Variants in AHI1 observed in about 807,000 individuals in gnomAD.
AHI1 encodes the protein jouberin.
A neutral mutation model predicts 149.3 loss-of-function variants in AHI1; 123 were observed. That is an observed-to-expected ratio of 0.82 (90% CI 0.71 to 0.96). The LOEUF (loss-of-function observed/expected upper bound fraction) is 0.96, where lower values mean the gene tolerates loss of function less well. Among genes scored for constraint, AHI1 ranks in the 40% least tolerant of loss-of-function variants. The pLI is 0.00. For missense variants in AHI1, 1,439 were observed against 1,422.7 expected (o/e 1.01, Z -0.18); for synonymous variants, 475 against 459.8 (o/e 1.03, Z -0.42).
chr6:135,487,719 T>A (rs1235051140), intron 5 of AHI1, among the ~76,000 whole-genome samples: 1 of 152,144 alleles, frequency 6.6e-6, no homozygotes, highest in Non-Finnish European at 1.5e-5. Flanking sequence ...TACAATAAAT[T>A]ATTAACTGTA....
chr6:135,489,974 C>T, intron 5 of AHI1: 1 of 432,100 alleles, frequency 2.3e-6, no homozygotes, highest in Non-Finnish European at 4.1e-6. Flanking sequence ...AGATAATGGT[C>T]AAAGTAGTAA....
intron 26 of AHI1, among the ~76,000 whole-genome samples, chr6:135,312,215 A>G (rs908627581): frequency 2.0e-5 from 3 of 152,138 alleles, no homozygotes; most frequent in Non-Finnish European, 4.4e-5. Context: ...TGAAACAAAT[A>G]CCAAACAGGG....
At chr6:135,442,788 C>A in intron 13 of AHI1, 74 bp from the exon 14 acceptor site, 1 of 1,382,100 alleles carries the variant, frequency 7.2e-7, no homozygotes, top group Non-Finnish European at 9.8e-7. Context: ...ATTTCAATTA[C>A]TGTAGTTCTT....
At position 135,428,765 on chromosome 6, in the gene AHI1, A is replaced by C. The variant is rs1329329093; in HGVS notation, c.2493-6T>G. The C allele has an allele frequency of 1.3e-6, 2 of 1,593,780 alleles. No individual in the cohort carries two copies. Among genetic ancestry groups the C allele is most frequent in the Non-Finnish European group, 1.7e-6 (2 of 1,169,124 alleles). ...CAAACTTCCTTGCTACTAATCTACA[A>C]GCAAAAAAGATTTTACAAATGTAAC... is the stretch of plus-strand genomic sequence containing the variant. On this transcript the variant is annotated splice_region_variant and splice_polypyrimidine_tract_variant and intron_variant, in intron 18 of 28. Transcript: ENST00000265602.
chr6:135,446,707 C>A (rs1345521053), intron 13 of AHI1, among the ~76,000 whole-genome samples: 1 of 152,178 alleles, frequency 6.6e-6, no homozygotes, highest in Admixed American at 6.5e-5. Context: ...TTCTCGGCCT[C>A]CAGAACTGTG....
rs765780898 is a variant in AHI1, at chr6:135,466,008, A to G, written c.555T>C (p.Asp185=). The G allele has an allele frequency of 6.2e-7, 1 of 1,613,758 alleles. No homozygotes were observed. The highest frequency in any genetic ancestry group is 1.1e-5 in the South Asian group (1 of 91,060). Residue 185 remains aspartate, a synonymous_variant, in exon 7 of 29, where the codon GAT becomes GAC. Coordinates refer to ENST00000265602, the MANE Select transcript of AHI1 (RefSeq NM_001134831.2). ...EGREETDLEE[D]EELMQAYQCH... Reference sequence around the variant, plus strand: ...ACTGATATGCTTGCATCAATTCTTCATCCTCTTCTAAATCAGTCTCTTCTC... The same window carrying G: ...ACTGATATGCTTGCATCAATTCTTCGTCCTCTTCTAAATCAGTCTCTTCTC...
intron 5 of AHI1, among the ~76,000 whole-genome samples, chr6:135,471,722 C>T (rs1216821049): frequency 1.3e-5 from 2 of 152,028 alleles, no homozygotes; most frequent in African/African-American, 4.8e-5. Context: ...TAAGATATAG[C>T]TTACATCAGG....
intron 24 of AHI1, among the ~76,000 whole-genome samples, chr6:135,341,003 C>A (rs912636343): frequency 2.6e-5 from 4 of 151,468 alleles, no homozygotes; most frequent in African/African-American, 9.7e-5. Context: ...TAAAAAAATA[C>A]TAATTTAATG....
At chr6:135,476,152 T>C (rs1364867828) in intron 5 of AHI1, among the ~76,000 whole-genome samples, 5 of 152,154 alleles carry the variant, frequency 3.3e-5, no homozygotes, top group Non-Finnish European at 7.4e-5. Flanking sequence ...ATGCTGTAAT[T>C]TCATTTTTAG....
chr6:135,348,170 T>TA (rs1791539115), intron 24 of AHI1, among the ~76,000 whole-genome samples: 1 of 152,086 alleles, frequency 6.6e-6, no homozygotes, highest in Non-Finnish European at 1.5e-5. Context: ...TTTATCACGG[T>TA]AAAAAAACAA....
At chr6:135,427,036 T>C in intron 20 of AHI1, 131 bp downstream of exon 20, 1 of 847,924 alleles carries the variant, frequency 1.2e-6, no homozygotes, top group Non-Finnish European at 1.8e-6. Flanking sequence ...GCTAGCTTTC[T>C]GTGATTCCAA....
chr6:135,418,639 A>G (rs1358055705), intron 20 of AHI1, among the ~76,000 whole-genome samples: 1 of 152,104 alleles, frequency 6.6e-6, no homozygotes, highest in South Asian at 2.1e-4. Flanking sequence ...ATGTACTTAC[A>G]TTATTGACTT....
chr6:135,325,326 CA>C (rs1322602151), intron 24 of AHI1, among the ~76,000 whole-genome samples: 7 of 152,318 alleles, frequency 4.6e-5, no homozygotes, highest in African/African-American at 1.7e-4. Context: ...TGCGTCCGGC[CA>C]CAAGTTATAA....
intron 20 of AHI1, among the ~76,000 whole-genome samples, chr6:135,416,955 T>C (rs1335251095): frequency 6.6e-6 from 1 of 152,094 alleles, no homozygotes; most frequent in African/African-American, 2.4e-5. Flanking sequence ...ATTTGACTAT[T>C]ATTTTTCATT....
At chr6:135,319,857 C>T (rs1433587009) in intron 25 of AHI1, among the ~76,000 whole-genome samples, 1 of 152,174 alleles carries the variant, frequency 6.6e-6, no homozygotes, top group Non-Finnish European at 1.5e-5. Flanking sequence ...TTGTTCTTTA[C>T]AGTGCCTTAA....
chr6:135,492,890 A>T (rs989880388), intron 3 of AHI1: 3 of 983,168 alleles, frequency 3.1e-6, no homozygotes, highest in Middle Eastern at 5.2e-4. Flanking sequence ...CCATTTTATT[A>T]AAAAAATCGG....
In AHI1 at chr6:135,447,169, G is replaced by T. The variant is rs1787374682; in HGVS notation, c.1627-9C>A. On this transcript the variant is annotated splice_polypyrimidine_tract_variant and intron_variant, in intron 12 of 28. Transcript: ENST00000265602. ...CGGTAAGATGGCTTTATCTAAATAT[G>T]CATTAAAATATGAAAATTTATATAC... 2.0e-6 allele frequency: 3 copies of T among 1,497,324 alleles called. No individual in the cohort carries two copies. Among genetic ancestry groups the T allele is most frequent in the Middle Eastern group, 1.8e-4 (1 of 5,632 alleles). The allele number at this position is 1,497,324 out of a possible 1,614,324, so 92.8% of individuals were successfully genotyped here.
intron 24 of AHI1, among the ~76,000 whole-genome samples, chr6:135,346,217 C>T (rs752626002): frequency 7.2e-5 from 11 of 151,990 alleles, no homozygotes; most frequent in Admixed American, 2.6e-4. Flanking sequence ...TTTTTTGAGA[C>T]GGAGTCTCAC....
intron 24 of AHI1, among the ~76,000 whole-genome samples, chr6:135,357,868 A>C (rs1295765937): frequency 6.6e-6 from 1 of 152,242 alleles, no homozygotes; most frequent in Non-Finnish European, 1.5e-5. Flanking sequence ...CTATTATAAA[A>C]CATTCACTTT....
Sources: allele counts gnomAD v4.1 joint callset (sites outside exome capture counted in the v4.1 genomes callset), GRCh38; gene constraint gnomAD v4.1.1; transcripts MANE v1.5; gene names NCBI Gene and HGNC (gene_info 2026-07-23, HGNC 2026-07-21).